The following BTBD9 variants were observed in gnomAD, a reference collection of about 807,000 sequenced individuals.
BTBD9 encodes BTB/POZ domain-containing protein 9.
BTBD9 carries 49 observed loss-of-function variants against 64.3 expected under a neutral mutation model. The observed-to-expected ratio is 0.76, with a 90% confidence interval of 0.61 to 0.97. The LOEUF is 0.97. BTBD9 is among the 50% of genes least tolerant of loss of function. BTBD9 has a pLI of 0.00. For missense variants in BTBD9, 598 were observed against 762.1 expected, an observed-to-expected ratio of 0.78 and a Z score of 2.53; for synonymous variants, 260 against 274.7, an observed-to-expected ratio of 0.95 and a Z score of 0.53.
chr6:38,431,841 C>T (rs771928670), intron 6 of BTBD9, among the ~76,000 whole-genome samples: 4 of 152,078 alleles, frequency 2.6e-5, no homozygotes, highest in Non-Finnish European at 5.9e-5. Context: ...TGTTTAAAAT[C>T]TAATGGCATC....
At chr6:38,493,568 C>CAGAGAGAAAA (rs1300780367) in intron 6 of BTBD9, among the ~76,000 whole-genome samples, 16 of 152,288 alleles carry the variant, frequency 1.1e-4, no homozygotes, top group African/African-American at 3.6e-4. Context: ...TTGCTACATT[C>CAGAGAGAAAA]ATTTTGGAAT....
At chr6:38,264,321 G>A (rs1023703606) in intron 8 of BTBD9, among the ~76,000 whole-genome samples, 1 of 152,286 alleles carries the variant, frequency 6.6e-6, no homozygotes, top group Admixed American at 6.5e-5. Flanking sequence ...GAGGTAAGTG[G>A]GATCAGAGAT....
intron 9 of BTBD9, among the ~76,000 whole-genome samples, chr6:38,214,586 A>G (rs981095865): frequency 6.6e-6 from 1 of 152,308 alleles, no homozygotes; most frequent in East Asian, 1.9e-4. Flanking sequence ...AGAAGAGCGA[A>G]AACAGGGAGG....
At chr6:38,448,881 A>G (rs1460702534) in intron 6 of BTBD9, among the ~76,000 whole-genome samples, 1 of 152,192 alleles carries the variant, frequency 6.6e-6, no homozygotes, top group African/African-American at 2.4e-5. Flanking sequence ...CCAGAGTTCT[A>G]TTATAGTATT....
chr6:38,311,892 T>C (rs1304726678), intron 7 of BTBD9, among the ~76,000 whole-genome samples: 1 of 152,106 alleles, frequency 6.6e-6, no homozygotes, highest in African/African-American at 2.4e-5. Flanking sequence ...GACTGAGTCT[T>C]ACTCTGTCGC....
intron 7 of BTBD9, among the ~76,000 whole-genome samples, chr6:38,299,038 G>T (rs531322127): frequency 3.3e-5 from 5 of 151,990 alleles, no homozygotes; most frequent in Non-Finnish European, 5.9e-5. Flanking sequence ...CCCAGTGTGT[G>T]ATGTTCCCCT....
At chr6:38,260,229 T>G (rs1561939385) in intron 8 of BTBD9, among the ~76,000 whole-genome samples, 1 of 152,194 alleles carries the variant, frequency 6.6e-6, no homozygotes, top group Non-Finnish European at 1.5e-5. Flanking sequence ...CATTCGTAAC[T>G]CTGACACAGT....
intron 1 of BTBD9, among the ~76,000 whole-genome samples, chr6:38,629,110 T>C (rs1410636468): frequency 1.3e-5 from 2 of 151,928 alleles, no homozygotes; most frequent in Non-Finnish European, 1.5e-5. Context: ...CACTGAGATA[T>C]TAATTAACTA....
chr6:38,439,950 A>T (rs1280456110), intron 6 of BTBD9, among the ~76,000 whole-genome samples: 1 of 152,216 alleles, frequency 6.6e-6, no homozygotes, highest in Non-Finnish European at 1.5e-5. Flanking sequence ...AAACATTGGA[A>T]TTACTATCTA....
chr6:38,248,483 C>T (rs116733025), intron 9 of BTBD9, among the ~76,000 whole-genome samples: 3 of 152,152 alleles, frequency 2.0e-5, no homozygotes, highest in Admixed American at 6.5e-5. Context: ...TACTATTCAA[C>T]GGGACCATGA....
intron 9 of BTBD9, among the ~76,000 whole-genome samples, chr6:38,224,347 T>TG (rs2127511067): frequency 6.6e-6 from 1 of 152,350 alleles, no homozygotes; most frequent in East Asian, 1.9e-4. Context: ...GGCAAGCGCC[T>TG]GGCCTGAGCA....
In BTBD9 at chr6:38,301,220, A is replaced by G. The variant is rs200513509; in HGVS notation, c.1265-12759T>C. Among the ~76,000 whole-genome samples, 3 of 152,284 alleles carry G rather than the reference A, an allele frequency of 2.0e-5. No homozygotes were observed. The East Asian group carries it at 5.8e-4, about 29-fold the overall frequency. On this transcript the variant is annotated intron_variant, in intron 7 of 10. Coordinates refer to ENST00000481247, the MANE Select transcript of BTBD9 (RefSeq NM_001099272.2). ...TCCCAGGGATGAAGCCCACTTGATCATGGTAGATAAGCTTTTTGATGTGTT... is the reference window on the plus strand; with the variant it reads ...TCCCAGGGATGAAGCCCACTTGATCGTGGTAGATAAGCTTTTTGATGTGTT...
At chr6:38,521,613 G>A (rs944463672) in intron 6 of BTBD9, among the ~76,000 whole-genome samples, 1 of 152,152 alleles carries the variant, frequency 6.6e-6, no homozygotes, top group Non-Finnish European at 1.5e-5. Flanking sequence ...AGATGTGGGA[G>A]GCTTACCTGT....
intron 4 of BTBD9, chr6:38,588,492 G>A (rs1298986474): frequency 1.4e-5 from 12 of 858,084 alleles, no homozygotes; most frequent in Non-Finnish European, 1.8e-5. Context: ...CCTCCCTTTG[G>A]TCAGGGCTAT....
Position 38,279,437 on chromosome 6 carries a change from C to G in BTBD9, c.1454+8835G>C, listed in dbSNP as rs140215962. On this transcript the variant is annotated intron_variant, in intron 8 of 10. Transcript: ENST00000481247. ...GGTAGATCACTGCTTTGAATTAATT[C>G]AAGAATTAGCCTTAAATGACTGTGA... Among the ~76,000 whole-genome samples the G allele has an allele frequency of 1.2e-3, 179 of 144,184 alleles. 2 individuals are homozygous for G. Among genetic ancestry groups the G allele is most frequent in the South Asian group, 9.3e-3 (43 of 4,636 alleles). The allele number at this position is 144,184 out of a possible 152,430, so 94.6% of individuals were successfully genotyped here. A position where few individuals can be genotyped will look rare whatever the true frequency, so the allele number is the denominator to read the frequency against.
chr6:38,193,465 G>C (rs971382739), intron 9 of BTBD9, among the ~76,000 whole-genome samples: 4 of 152,168 alleles, frequency 2.6e-5, no homozygotes, highest in African/African-American at 9.7e-5. Context: ...CTCTGTCTGG[G>C]TGGTTTCGAA....
intron 9 of BTBD9, among the ~76,000 whole-genome samples, chr6:38,193,167 T>C (rs958040610): frequency 2.6e-5 from 4 of 152,176 alleles, no homozygotes; most frequent in Admixed American, 1.3e-4. Context: ...CCCAGGGCTG[T>C]TGGCAGAATG....
At chr6:38,317,656 A>G (rs1241417688) in intron 7 of BTBD9, among the ~76,000 whole-genome samples, 1 of 151,964 alleles carries the variant, frequency 6.6e-6, no homozygotes, top group East Asian at 1.9e-4. Context: ...TATTTTCTAG[A>G]TCTTGAAAGC....
intron 7 of BTBD9, among the ~76,000 whole-genome samples, chr6:38,290,079 T>C (rs1227113462): frequency 6.6e-6 from 1 of 151,002 alleles, no homozygotes; most frequent in Non-Finnish European, 1.5e-5. Flanking sequence ...TTGGACATGC[T>C]TGTACTTAAG....
Sources: gnomAD v4.1 joint callset for allele counts (sites outside exome capture counted in the v4.1 genomes callset) on GRCh38, gnomAD v4.1.1 for gene constraint, MANE v1.5 for transcripts, NCBI Gene and HGNC (gene_info 2026-07-23, HGNC 2026-07-21) for gene names.